The following CNTNAP2 variants were observed in gnomAD, a reference collection of about 807,000 sequenced individuals.
CNTNAP2 encodes contactin-associated protein-like 2.
CNTNAP2 carries 98 observed loss-of-function variants against 155.2 expected under a neutral mutation model. That is an observed-to-expected ratio of 0.63 (90% CI 0.54 to 0.75). The LOEUF is 0.75. Ranked by LOEUF, CNTNAP2 falls within the 30% of genes least tolerant of loss-of-function variation. CNTNAP2 has a pLI of 0.00. For synonymous variants in CNTNAP2, 651 were observed against 631.2 expected (o/e 1.03, Z -0.47); for missense variants, 1,727 against 1,688.1 (o/e 1.02, Z -0.40).
At chr7:147,267,640 G>A (rs1482011806) in intron 8 of CNTNAP2, among the ~76,000 whole-genome samples, 1 of 151,502 alleles carries the variant, frequency 6.6e-6, no homozygotes, top group South Asian at 2.1e-4. Flanking sequence ...AGATCAGTTT[G>A]CATCCCATCA....
intron 14 of CNTNAP2, among the ~76,000 whole-genome samples, chr7:147,960,926 A>G (rs780072772): frequency 6.6e-6 from 1 of 152,154 alleles, no homozygotes; most frequent in Non-Finnish European, 1.5e-5. Context: ...GCCTGCATGC[A>G]GGAAATTATT....
intron 1 of CNTNAP2, among the ~76,000 whole-genome samples, chr7:146,619,496 A>C (rs1035910205): frequency 4.6e-5 from 7 of 152,214 alleles, no homozygotes; most frequent in Non-Finnish European, 8.8e-5. Context: ...TAGTCTATTC[A>C]ATCATTAATT....
In CNTNAP2 at chr7:147,854,394, G is replaced by C. The variant is rs915264054; in HGVS notation, c.2099-49171G>C. On this transcript the variant is annotated intron_variant, in intron 13 of 23. Transcript: ENST00000361727. ...TCTGAGTGCTGAACCAACTGAAAAA[G>C]AGATGGAAGCAAGTGTCAGACAGAA... 5.9e-5 allele frequency among the ~76,000 whole-genome samples: 9 copies of C among 152,156 alleles called. No individual in the cohort carries two copies. The South Asian group carries it at 8.3e-4, about 14-fold the overall frequency.
At position 146,808,036 on chromosome 7, in the gene CNTNAP2, T is replaced by C. The variant is rs912918073; in HGVS notation, c.209-31675T>C. Among the ~76,000 whole-genome samples, 4 of 152,276 alleles carry C rather than the reference T, an allele frequency of 2.6e-5. 1 individual carries two copies. The Middle Eastern group carries it at 0.01, about 388-fold the overall frequency. On this transcript the variant is annotated intron_variant, in intron 2 of 23. Coordinates refer to ENST00000361727, the MANE Select transcript of CNTNAP2 (RefSeq NM_014141.6). ...GATGTCTTCGAAAATAGCAAAATTA[T>C]TGATAGGATGTTTCTGCTGCAGCCT...
At chr7:148,383,252 C>G (rs368208064) in intron 21 of CNTNAP2, among the ~76,000 whole-genome samples, 1 of 144,826 alleles carries the variant, frequency 6.9e-6, no homozygotes, top group Admixed American at 7.1e-5. Context: ...TAAAACAGAA[C>G]CATATTTTGC....
chr7:146,946,345 GTTAT>G (rs1166141082), intron 3 of CNTNAP2, among the ~76,000 whole-genome samples: 1 of 152,074 alleles, frequency 6.6e-6, no homozygotes, highest in East Asian at 1.9e-4. Context: ...TTGTTTTTAT[GTTAT>G]TTGTCTAAAT....
chr7:147,494,972 A>G (rs1381007335), intron 11 of CNTNAP2, among the ~76,000 whole-genome samples: 4 of 152,038 alleles, frequency 2.6e-5, no homozygotes, highest in African/African-American at 9.7e-5. Context: ...CACAGTTTCA[A>G]CTCATTCAAC....
rs1802060681 is a variant in CNTNAP2, at chr7:148,010,566, A to G, written c.2383+32577A>G. On this transcript the variant is annotated intron_variant, in intron 15 of 23. Transcript: ENST00000361727. ...GTATAATCTAAGGGTTCAGTTTCTT[A>G]TTTTTGACACATATACAACCAAATT... 4.0e-5 allele frequency among the ~76,000 whole-genome samples: 6 copies of G among 151,556 alleles called. No individual in the cohort carries two copies. In the South Asian group the frequency reaches 1.2e-3, roughly 32 times the overall value.
chr7:146,856,297 G>GATAGATAGATAGATAGATAC (rs869052895), intron 3 of CNTNAP2, among the ~76,000 whole-genome samples: 16 of 116,704 alleles, frequency 1.4e-4, no homozygotes, highest in South Asian at 8.8e-4. Context: ...TAGATAGATA[G>GATAGATAGATAGATAGATAC]ATACATACAT....
chr7:146,841,722 A>C (rs1032073605), intron 3 of CNTNAP2, among the ~76,000 whole-genome samples: 2 of 152,184 alleles, frequency 1.3e-5, no homozygotes, highest in African/African-American at 4.8e-5. Context: ...AGAGTGTTCA[A>C]ATCTCCTCTC....
intron 23 of CNTNAP2, among the ~76,000 whole-genome samples, chr7:148,413,275 C>T (rs1799886027): frequency 6.7e-6 from 1 of 149,676 alleles, no homozygotes; most frequent in Non-Finnish European, 1.5e-5. Context: ...GCCTGTAAGC[C>T]CAGCTACTCG....
chr7:148,145,441 G>C (rs527950989), intron 16 of CNTNAP2, among the ~76,000 whole-genome samples: 1 of 152,274 alleles, frequency 6.6e-6, no homozygotes, highest in East Asian at 1.9e-4. Flanking sequence ...ATAGCAGTAG[G>C]AGAATCACAG....
At chr7:147,440,683 G>A (rs1459530436) in intron 10 of CNTNAP2, among the ~76,000 whole-genome samples, 1 of 152,008 alleles carries the variant, frequency 6.6e-6, no homozygotes, top group Non-Finnish European at 1.5e-5. Context: ...TTGTTTGTCT[G>A]GGAAAAATCT....
chr7:148,090,709 A>G (rs984369293), intron 15 of CNTNAP2, among the ~76,000 whole-genome samples: 2 of 152,132 alleles, frequency 1.3e-5, no homozygotes, highest in Non-Finnish European at 2.9e-5. Flanking sequence ...AAAATTAAAA[A>G]TAGAGCTACC....
At chr7:147,275,469 G>T (rs1435713139) in intron 8 of CNTNAP2, among the ~76,000 whole-genome samples, 1 of 151,490 alleles carries the variant, frequency 6.6e-6, no homozygotes, top group East Asian at 1.9e-4. Flanking sequence ...TTCTTGATTT[G>T]GTTCTCAGCT....
intron 10 of CNTNAP2, among the ~76,000 whole-genome samples, chr7:147,422,165 A>ATATATAGTATGTATATATACAC (rs1433131525): frequency 1.4e-5 from 2 of 147,970 alleles, no homozygotes; most frequent in Non-Finnish European, 3.0e-5. Context: ...TATACAGTAT[A>ATATATAGTATGTATATATACAC]TATATAGTAT....
At chr7:147,065,037 T>C in intron 4 of CNTNAP2, among the ~76,000 whole-genome samples, 1 of 152,186 alleles carries the variant, frequency 6.6e-6, no homozygotes, top group East Asian at 1.9e-4. Flanking sequence ...AATTTCTGCT[T>C]CTGATAGAAA....
At chr7:146,861,603 G>A (rs1302062149) in intron 3 of CNTNAP2, among the ~76,000 whole-genome samples, 1 of 151,776 alleles carries the variant, frequency 6.6e-6, no homozygotes, top group African/African-American at 2.4e-5. Flanking sequence ...CTCTTAGCAG[G>A]GGGTAACCAT....
chr7:148,391,137 G>T (rs1040673127), intron 22 of CNTNAP2, among the ~76,000 whole-genome samples: 1 of 152,190 alleles, frequency 6.6e-6, no homozygotes, highest in Non-Finnish European at 1.5e-5. Context: ...AATAAAGAGA[G>T]AACAGGCTTC....
Sources: gnomAD v4.1 joint callset for allele counts (sites outside exome capture counted in the v4.1 genomes callset) on GRCh38, gnomAD v4.1.1 for gene constraint, MANE v1.5 for transcripts, NCBI Gene and HGNC (gene_info 2026-07-23, HGNC 2026-07-21) for gene names.